TECPR2: variants seen among roughly 807,000 people sequenced by gnomAD.
TECPR2 encodes the protein tectonin beta-propeller repeat-containing protein 2.
TECPR2 carries 65 observed loss-of-function variants against 138.1 expected under a neutral mutation model. The ratio of observed to expected loss-of-function variants is 0.47; its 90% confidence interval spans 0.39 to 0.58. The LOEUF is 0.58. TECPR2 is among the 20% of genes least tolerant of loss of function. The probability of loss-of-function intolerance (pLI) is 0.00; values close to 1 mark genes in which losing one functional copy is unlikely to be tolerated. For synonymous variants in TECPR2, 746 were observed against 749.8 expected (o/e 0.99, Z 0.08); for missense variants, 1,553 against 1,824.5 (o/e 0.85, Z 2.71).
chr14:102,409,409 G>A (rs529291340), intron 4 of TECPR2, among the ~76,000 whole-genome samples: 1 of 151,248 alleles, frequency 6.6e-6, no homozygotes, highest in African/African-American at 2.4e-5. Context: ...AAGCGATTCT[G>A]CCACCTCAGC....
In TECPR2 at chr14:102,425,272, TCC is replaced by T; in HGVS notation, c.933_934del (p.Leu312ArgfsTer16). ...AGTTGGAATGAATATAGTATCTATC[TCC>T]TAGACACAGTCAACCAGGTAAGTGA... On this transcript the variant is annotated frameshift_variant, in exon 6 of 20. Coordinates refer to ENST00000359520, the MANE Select transcript of TECPR2 (RefSeq NM_014844.5). LOFTEE classifies it high-confidence loss of function. 6.3e-7 allele frequency: 1 copy of T among 1,593,306 alleles called. No homozygotes were observed. Among genetic ancestry groups the T allele is most frequent in the South Asian group, 1.1e-5 (1 of 88,660 alleles).
At position 102,485,288 on chromosome 14, in the gene TECPR2, G is replaced by A. The variant is rs1890999272; in HGVS notation, c.3790-11691G>A. ...ACAACTATGCTGCCTGCAAATGAAG[G>A]TATGAAACCTCCCCAAACTGCTGTC... On this transcript the variant is annotated intron_variant, in intron 17 of 19. Transcript: ENST00000359520. Among the ~76,000 whole-genome samples the A allele has an allele frequency of 3.3e-5, 5 of 152,204 alleles. No homozygotes were observed. In the South Asian group the frequency reaches 8.3e-4, roughly 25 times the overall value.
rs147550554 is a variant in TECPR2, at chr14:102,372,763, T to C, written c.-72-3887T>C. 1.1e-3 allele frequency among the ~76,000 whole-genome samples: 174 copies of C among 151,934 alleles called. 2 individuals are homozygous for C. The East Asian group carries it at 0.032, about 28-fold the overall frequency. The stretch of plus-strand genomic sequence containing the variant: ...GGTGAAACCCCATCTCTATTAAAAA[T>C]ACAAAAATTAGCCAGGCCTGGTGGC... On this transcript the variant is annotated intron_variant, in intron 1 of 19. Coordinates refer to ENST00000359520, the MANE Select transcript of TECPR2 (RefSeq NM_014844.5).
chr14:102,369,181 A>C (rs573005770), intron 1 of TECPR2, among the ~76,000 whole-genome samples: 6 of 152,238 alleles, frequency 3.9e-5, no homozygotes, highest in African/African-American at 1.4e-4. Context: ...TTATCTGAGT[A>C]GAATAGTGCA....
rs780456547 is a variant in TECPR2, at chr14:102,431,870, A to G, written c.1159A>G (p.Thr387Ala). The change falls in exon 8 of 20, where the codon ACA (threonine) becomes GCA (alanine). Residue 387 changes from threonine to alanine, a missense_variant. Transcript: ENST00000359520. ...VQQAEKLPGA[T>A]VSETRLRGSS... ...GCAAGCGGAGAAGCTGCCAGGGGCC[A>G]CAGTTTCTGAGACGAGGCTCAGAGG... 3 of 1,603,464 alleles carry G rather than the reference A, an allele frequency of 1.9e-6. No homozygotes were observed. The highest frequency in any genetic ancestry group is 1.7e-5 in the Admixed American group (1 of 59,772).
intron 7 of TECPR2, among the ~76,000 whole-genome samples, chr14:102,430,778 C>T (rs1889450767): frequency 6.6e-6 from 1 of 152,172 alleles, no homozygotes; most frequent in Admixed American, 6.6e-5. Flanking sequence ...GGCCTTGATG[C>T]TGTGTGGTAA....
intron 1 of TECPR2, among the ~76,000 whole-genome samples, chr14:102,366,857 T>C (rs1887358158): frequency 6.6e-6 from 1 of 152,198 alleles, no homozygotes; most frequent in South Asian, 2.1e-4. Context: ...GTAATGAGGA[T>C]TATGAAGCAC....
At chr14:102,381,692 G>A (rs1010365443) in intron 2 of TECPR2, among the ~76,000 whole-genome samples, 30 of 152,312 alleles carry the variant, frequency 2.0e-4, no homozygotes, top group African/African-American at 4.1e-4. Flanking sequence ...AAGAGGGTTC[G>A]TTGCCAACCG....
intron 14 of TECPR2, 132 bp downstream of exon 14, chr14:102,450,001 AGG>A: frequency 7.5e-7 from 1 of 1,335,962 alleles, no homozygotes; most frequent in Non-Finnish European, 1.0e-6. Flanking sequence ...TGTCTAGTGG[AGG>A]CACTCTATGC....
chr14:102,401,392 T>A (rs55804582), intron 2 of TECPR2, among the ~76,000 whole-genome samples: 11,496 of 148,210 alleles, frequency 0.078, 629 homozygotes, highest in South Asian at 0.16. Flanking sequence ...TGAGCTGAGA[T>A]TGCACCATTG....
At position 102,390,303 on chromosome 14, in the gene TECPR2, C is replaced by CT. The variant is rs565117858; in HGVS notation, c.219+13373dup. 2.7e-4 allele frequency among the ~76,000 whole-genome samples: 41 copies of CT among 149,204 alleles called. 1 individual carries two copies. Among genetic ancestry groups the CT allele is most frequent in the Middle Eastern group, 7.0e-3 (2 of 284 alleles). On this transcript the variant is annotated intron_variant, in intron 2 of 19. Transcript: ENST00000359520. ...TCCTGACACCTTTCAAATCAAAAGC[C>CT]TTTTTTTTTTCCTTAAACTTTTTGA...
At chr14:102,378,637 T>TA (rs1395387778) in intron 2 of TECPR2, among the ~76,000 whole-genome samples, 4 of 152,066 alleles carry the variant, frequency 2.6e-5, no homozygotes, top group Admixed American at 2.0e-4. Context: ...TATATATATA[T>TA]TTTTGAGACG....
chr14:102,367,669 G>A (rs987455087), intron 1 of TECPR2, among the ~76,000 whole-genome samples: 2 of 152,010 alleles, frequency 1.3e-5, no homozygotes, highest in African/African-American at 4.8e-5. Context: ...TGGACAGTTA[G>A]GTTGTTTTGA....
At chr14:102,437,098 C>A in intron 9 of TECPR2, 4 of 985,384 alleles carry the variant, frequency 4.1e-6, no homozygotes, top group Non-Finnish European at 4.8e-6. Flanking sequence ...GTAAGACTTG[C>A]CATGGTGAGC....
chr14:102,466,078 CAGGAA>C (rs1200344092), intron 17 of TECPR2, among the ~76,000 whole-genome samples: 1 of 152,090 alleles, frequency 6.6e-6, no homozygotes, highest in Non-Finnish European at 1.5e-5. Context: ...TCAGTGGAGT[CAGGAA>C]AGAGGTAAAG....
chr14:102,380,675 T>TTTTG (rs1887781440), intron 2 of TECPR2, among the ~76,000 whole-genome samples: 1 of 152,092 alleles, frequency 6.6e-6, no homozygotes, highest in South Asian at 2.1e-4. Context: ...ATTTTTTTGG[T>TTTTG]TTTTTGTTTT....
intron 2 of TECPR2, among the ~76,000 whole-genome samples, chr14:102,405,167 G>A (rs1888625621): frequency 3.3e-5 from 5 of 151,984 alleles, no homozygotes. Flanking sequence ...AAATTAGCCA[G>A]GTGTGGTGAT....
chr14:102,455,344 A>G (rs1419267770), intron 16 of TECPR2, among the ~76,000 whole-genome samples: 1 of 152,224 alleles, frequency 6.6e-6, no homozygotes, highest in African/African-American at 2.4e-5. Flanking sequence ...CAAGGAGGTC[A>G]CAGGCAGAGG....
chr14:102,438,279 A>T, intron 10 of TECPR2, 74 bp downstream of exon 10: 1 of 1,501,420 alleles, frequency 6.7e-7, no homozygotes, highest in Admixed American at 2.1e-5. Flanking sequence ...CGGGGTGCAG[A>T]CATCTTAGTA....
Sources: allele counts gnomAD v4.1 joint callset (sites outside exome capture counted in the v4.1 genomes callset), GRCh38; gene constraint gnomAD v4.1.1; transcripts MANE v1.5; gene names NCBI Gene and HGNC (gene_info 2026-07-23, HGNC 2026-07-21).